The following RHCG variants were observed in gnomAD, a reference collection of about 807,000 sequenced individuals.
RHCG encodes the protein Rh family C glycoprotein, also known as ammonium transporter Rh type C.
Under a neutral mutation model 55.3 loss-of-function variants are expected in RHCG, and 39 were observed. The ratio of observed to expected loss-of-function variants is 0.70; its 90% confidence interval spans 0.55 to 0.92. The LOEUF (loss-of-function observed/expected upper bound fraction) is 0.92, where lower values mean the gene tolerates loss of function less well. RHCG is among the 40% of genes least tolerant of loss of function. The probability of loss-of-function intolerance (pLI) is 0.00; values close to 1 mark genes in which losing one functional copy is unlikely to be tolerated. For missense variants in RHCG, 635 were observed against 627.9 expected (o/e 1.01, Z -0.12); for synonymous variants, 250 against 246.8 (o/e 1.01, Z -0.12).
Position 89,487,090 on chromosome 15 carries a change from C to A in RHCG, c.185-105G>T, listed in dbSNP as rs988509561. ...GGTAGCCCCTCAGTCTTCCCCGCCACTGGCGCGTCTCCCTGCTCCACCATC... is the reference window on the plus strand; with the variant it reads ...GGTAGCCCCTCAGTCTTCCCCGCCAATGGCGCGTCTCCCTGCTCCACCATC... On this transcript the variant is annotated intron_variant, in intron 1 of 10. Coordinates refer to ENST00000268122, the MANE Select transcript of RHCG (RefSeq NM_016321.3). 8 of 1,049,820 alleles carry A rather than the reference C, an allele frequency of 7.6e-6. No homozygotes were observed. In the Admixed American group the frequency reaches 9.6e-5, roughly 13 times the overall value. The allele number at this position is 1,049,820 out of a possible 1,614,324, so 65.0% of individuals were successfully genotyped here. A position where few individuals can be genotyped will look rare whatever the true frequency, so the allele number is the denominator to read the frequency against.
chr15:89,472,661 C>T, intron 10 of RHCG, 50 bp downstream of exon 10: 1 of 1,541,170 alleles, frequency 6.5e-7, no homozygotes, highest in Non-Finnish European at 8.8e-7. Context: ...AGAGCTGGGC[C>T]CCCACTGGGA....
intron 3 of RHCG, 136 bp from the exon 4 acceptor site, chr15:89,480,544 G>A: frequency 4.0e-6 from 4 of 1,009,592 alleles, no homozygotes; most frequent in Non-Finnish European, 5.8e-6. Context: ...TGGAGCCTGG[G>A]GCCTTCACGG....
intron 9 of RHCG, among the ~76,000 whole-genome samples, chr15:89,474,014 T>C (rs1296398687): frequency 6.6e-6 from 1 of 152,186 alleles, no homozygotes; most frequent in Admixed American, 6.5e-5. Context: ...AAATATAGAA[T>C]AGAAATAATT....
At position 89,496,550 on chromosome 15, in the gene RHCG, A is replaced by G; in HGVS notation, c.-6T>C. 2 of 1,606,888 alleles carry G rather than the reference A, an allele frequency of 1.2e-6. No individual in the cohort carries two copies. Among genetic ancestry groups the G allele is most frequent in the Middle Eastern group, 1.7e-4 (1 of 6,038 alleles). ...AGGTTGGTGTTCCAGGCCATGCTGC[A>G]GGGGTGCCTGGCCGGGCTGGCAGCG... On this transcript the variant is annotated 5_prime_UTR_variant, in exon 1 of 11. Transcript: ENST00000268122.
intron 9 of RHCG, among the ~76,000 whole-genome samples, chr15:89,473,693 G>A (rs1961081699): frequency 6.6e-6 from 1 of 152,198 alleles, no homozygotes; most frequent in Non-Finnish European, 1.5e-5. Context: ...GTAATCTACA[G>A]ATTACTTAAA....
At chr15:89,492,082 C>G (rs1429416621) in intron 1 of RHCG, among the ~76,000 whole-genome samples, 1 of 124 alleles carries the variant, frequency 8.1e-3, no homozygotes, top group Non-Finnish European at 0.016. Flanking sequence ...TGAGGGTCAA[C>G]AAAGTTGACC....
intron 4 of RHCG, 148 bp from the exon 5 acceptor site, chr15:89,479,636 C>T (rs1961228505): frequency 1.4e-6 from 1 of 721,880 alleles, no homozygotes; most frequent in East Asian, 2.8e-5. Context: ...TGCAGGGGCT[C>T]TTCCTGGAAG....
intron 1 of RHCG, among the ~76,000 whole-genome samples, chr15:89,487,805 C>A (rs1961402426): frequency 6.6e-6 from 1 of 152,210 alleles, no homozygotes; most frequent in African/African-American, 2.4e-5. Flanking sequence ...AGTAGGTGAT[C>A]TAAATGGGCA....
intron 2 of RHCG, among the ~76,000 whole-genome samples, chr15:89,485,692 A>T (rs1039459149): frequency 1.3e-5 from 2 of 151,596 alleles, no homozygotes; most frequent in Non-Finnish European, 2.9e-5. Context: ...GGAGGAAAAC[A>T]TTTTTTTTTC....
chr15:89,473,972 G>C (rs1961086658), intron 9 of RHCG, among the ~76,000 whole-genome samples: 1 of 152,200 alleles, frequency 6.6e-6, no homozygotes, highest in Non-Finnish European at 1.5e-5. Context: ...TCTAATTGTG[G>C]TGTCTAAAAT....
intron 3 of RHCG, among the ~76,000 whole-genome samples, chr15:89,482,261 G>A (rs1961281584): frequency 6.6e-6 from 1 of 152,188 alleles, no homozygotes; most frequent in South Asian, 2.1e-4. Flanking sequence ...TATTTATAGG[G>A]CACTCTGGCT....
Position 89,496,369 on chromosome 15 carries a change from C to A in RHCG, c.176G>T (p.Arg59Leu), listed in dbSNP as rs771253354. The change falls in exon 1 of 11, where the codon CGC (arginine) becomes CTC (leucine). Residue 59 changes from arginine (R) to leucine (L), a missense_variant. By Grantham distance (102) the Arg-to-Leu change is moderately radical. Coordinates refer to ENST00000268122, the MANE Select transcript of RHCG (RefSeq NM_016321.3). ...LSDMENEFYY[R>L]YPSFQDVHVM... ...CAGGCGGCGAGACTTACTTGGGTAG[C>A]GATAGTAGAATTCGTTCTCCATGTC... 8 of 1,613,696 alleles carry A rather than the reference C, an allele frequency of 5.0e-6. No homozygotes were observed. In the East Asian group the frequency reaches 1.8e-4, roughly 36 times the overall value.
chr15:89,486,566 G>GAGA, intron 2 of RHCG: 1 of 236,222 alleles, frequency 4.2e-6, no homozygotes, highest in Admixed American at 4.4e-5. Context: ...GAGAGAGACA[G>GAGA]AGAGAGAGAG....
Position 89,496,270 on chromosome 15 carries a change from CCCT to C in RHCG, c.184+88_184+90del. 2.2e-6 allele frequency: 3 copies of C among 1,340,748 alleles called. No individual in the cohort carries two copies. The Admixed American group carries it at 5.3e-5, about 24-fold the overall frequency. The allele number at this position is 1,340,748 out of a possible 1,614,324, so 83.1% of individuals were successfully genotyped here. Reference sequence around the variant, plus strand: ...GGAGTCCGCGGCTGCAGGGTAGATCCCCTCCTCTGCCCAGCTCTGGGCCGAGCC... The same window carrying C: ...GGAGTCCGCGGCTGCAGGGTAGATCCCCTCTGCCCAGCTCTGGGCCGAGCC... On this transcript the variant is annotated intron_variant, in intron 1 of 10. Coordinates refer to ENST00000268122, the MANE Select transcript of RHCG (RefSeq NM_016321.3).
In RHCG at chr15:89,486,920, A is replaced by T. The variant is rs1961383861; in HGVS notation, c.250T>A (p.Tyr84Asn). ...FGFLMTFLQR[Y>N]GFSAVGFNFL... ...TTGAAGCCCACGGCGCTGAAGCCGTAGCGCTGCAGGAAAGTCATGAGGAAG... is the reference window on the plus strand; with the variant it reads ...TTGAAGCCCACGGCGCTGAAGCCGTTGCGCTGCAGGAAAGTCATGAGGAAG... Residue 84 changes from tyrosine (Y) to asparagine (N), a missense_variant, in exon 2 of 11, where the codon TAC (tyrosine) becomes AAC (asparagine). Transcript: ENST00000268122. The T allele has an allele frequency of 6.2e-7, 1 of 1,612,618 alleles. No individual in the cohort carries two copies. Among genetic ancestry groups the T allele is most frequent in the Non-Finnish European group, 8.5e-7 (1 of 1,178,968 alleles).
At position 89,480,379 on chromosome 15, in the gene RHCG, G is replaced by T; in HGVS notation, c.552C>A (p.Ile184=). The T allele has an allele frequency of 6.2e-7, 1 of 1,614,180 alleles. No homozygotes were observed. The highest frequency in any genetic ancestry group is 2.2e-5 in the East Asian group (1 of 44,882). ...GCCCAAAGTAGGCGCCAAATGTGTG[G>T]ATGGTCATGGAGCCTCCTGCATCCT... ...KVKDAGGSMT[I]HTFGAYFGLT... The change falls in exon 4 of 11, where the codon ATC becomes ATA. Residue 184 remains isoleucine, a synonymous_variant. Transcript: ENST00000268122.
intron 2 of RHCG, among the ~76,000 whole-genome samples, chr15:89,484,857 A>T (rs1211983253): frequency 6.6e-6 from 1 of 151,496 alleles, no homozygotes; most frequent in Non-Finnish European, 1.5e-5. Flanking sequence ...GGAGATGGAG[A>T]TCCAGATGCC....
rs200168909 is a variant in RHCG at position 89,488,178 on chromosome 15, A to T, written c.185-1193T>A. Among the ~76,000 whole-genome samples the T allele has an allele frequency of 5.3e-5, 8 of 152,362 alleles. No individual in the cohort carries two copies. In the East Asian group the frequency reaches 1.3e-3, roughly 26 times the overall value. Reference sequence around the variant, plus strand: ...CCAAAGCAATTATGTGTTATAATGAATTAAAACCATTAAAAAAGGAACTCA... The same window carrying T: ...CCAAAGCAATTATGTGTTATAATGATTTAAAACCATTAAAAAAGGAACTCA... On this transcript the variant is annotated intron_variant, in intron 1 of 10. Coordinates refer to ENST00000268122, the MANE Select transcript of RHCG (RefSeq NM_016321.3).
intron 1 of RHCG, among the ~76,000 whole-genome samples, chr15:89,488,324 A>G (rs1226876351): frequency 6.6e-6 from 1 of 152,228 alleles, no homozygotes; most frequent in East Asian, 1.9e-4. Flanking sequence ...TTGGAAAATC[A>G]TCATTTTCAT....
Sources: allele counts gnomAD v4.1 joint callset (sites outside exome capture counted in the v4.1 genomes callset), GRCh38; gene constraint gnomAD v4.1.1; transcripts MANE v1.5; gene names NCBI Gene and HGNC (gene_info 2026-07-23, HGNC 2026-07-21).